Variants in BAHCC1 observed in about 807,000 individuals in gnomAD.
BAHCC1 encodes BAH domain and coiled-coil containing 1, also known as BAH and coiled-coil domain-containing protein 1.
BAHCC1 carries 43 observed loss-of-function variants against 88.2 expected under a neutral mutation model. The ratio of observed to expected loss-of-function variants is 0.49; its 90% CI spans 0.38 to 0.63. The LOEUF (loss-of-function observed/expected upper bound fraction) is 0.63. Among genes scored for constraint, BAHCC1 ranks in the 20% least tolerant of loss-of-function variants. The pLI is 0.00. For missense variants in BAHCC1, 3,023 were observed against 1,654.8 expected, an observed-to-expected ratio of 1.83 and a Z score of -14.34; for synonymous variants, 1,510 against 745.5, an observed-to-expected ratio of 2.03 and a Z score of -16.71.
chr17:81,426,519 C>T (rs2064202288), intron 2 of BAHCC1, among the ~76,000 whole-genome samples: 2 of 150,852 alleles, frequency 1.3e-5, no homozygotes, highest in Non-Finnish European at 3.0e-5. Flanking sequence ...TGGTGATGTG[C>T]TTGTGACAAA....
chr17:81,429,117 G>A (rs1189875443), intron 3 of BAHCC1, among the ~76,000 whole-genome samples: 1 of 152,234 alleles, frequency 6.6e-6, no homozygotes, highest in Non-Finnish European at 1.5e-5. Flanking sequence ...CCCGCTGTCC[G>A]TGTCAGGTGG....
chr17:81,451,731 C>G lies in BAHCC1; in HGVS notation c.4040C>G (p.Ser1347Cys). 1 of 776,272 alleles carries G rather than the reference C, an allele frequency of 1.3e-6. No individual in the cohort carries two copies. The highest frequency in any genetic ancestry group is 2.4e-5 in the East Asian group (1 of 41,244). The allele number at this position is 776,272 out of a possible 1,614,324, so 48.1% of individuals were successfully genotyped here. Residue 1347 changes from serine to cysteine, a missense_variant, in exon 12 of 28, where the codon TCC (serine) becomes TGC (cysteine). Ser to Cys is a moderately radical substitution (Grantham distance 112). Transcript: ENST00000675386. ...QHLATLATAW[S>C]LVEAAGLDSS... ...CTGGCCACGCTGGCCACAGCCTGGTCCCTGGTGGAGGCCGCTGGCCTGGAC... is the reference window on the plus strand; with the variant it reads ...CTGGCCACGCTGGCCACAGCCTGGTGCCTGGTGGAGGCCGCTGGCCTGGAC...
chr17:81,447,779 G>A lies in BAHCC1; in HGVS notation c.3907G>A (p.Gly1303Arg). 4.0e-6 allele frequency: 3 copies of A among 751,388 alleles called. No homozygotes were observed. The highest frequency in any genetic ancestry group is 2.5e-5 in the East Asian group (1 of 39,532). 46.5% of individuals were successfully genotyped at this position (751,388 alleles called of 1,614,324 possible). ...VPLPHSSGIHGIALLSELADL... is the reference protein window; with the variant it reads ...VPLPHSSGIHRIALLSELADL... ...CCTGCCTCATAGCTCAGGGATTCAT[G>A]GGATCGCTCTGCTCAGCGAGCTGGC... The change falls in exon 11 of 28, where the codon GGG (glycine) becomes AGG (arginine). Residue 1303 changes from glycine to arginine, a missense_variant. Gly to Arg is a moderately radical substitution (Grantham distance 125). Transcript: ENST00000675386.
At chr17:81,425,199 GTGATGATGGT>G (rs1204404598) in intron 2 of BAHCC1, among the ~76,000 whole-genome samples, 5 of 44,972 alleles carry the variant, frequency 1.1e-4, no homozygotes, top group South Asian at 1.8e-3. Flanking sequence ...GATGTGGTTG[GTGATGATGGT>G]GGGTGATGTG....
rs782374101 is a variant in BAHCC1, at chr17:81,445,629, A to G, written c.3111A>G (p.Glu1037=). Residue 1037 remains glutamate (E), a synonymous_variant, in exon 10 of 28, where the codon GAA becomes GAG. Coordinates refer to ENST00000675386, the MANE Select transcript of BAHCC1 (RefSeq NM_001377448.1). ...GCTCCCGGGTGCGCAGCGCCGAGGA[A>G]AAGAATGGGGAGGGTCAGCAGTCCA... ...GPGSRVRSAE[E]KNGEGQQSTA... 1 of 734,584 alleles carries G rather than the reference A, an allele frequency of 1.4e-6. No homozygotes were observed. Among genetic ancestry groups the G allele is most frequent in the Admixed American group, 1.9e-5 (1 of 52,344 alleles). The allele number at this position is 734,584 out of a possible 1,614,324, so 45.5% of individuals were successfully genotyped here.
intron 3 of BAHCC1, among the ~76,000 whole-genome samples, chr17:81,432,272 G>A (rs1482198893): frequency 3.9e-5 from 6 of 152,104 alleles, no homozygotes; most frequent in East Asian, 1.9e-4. Context: ...CAGGTGCACC[G>A]TCTCCTGTGT....
At chr17:81,428,358 G>T (rs2064223864) in intron 3 of BAHCC1, among the ~76,000 whole-genome samples, 1 of 152,182 alleles carries the variant, frequency 6.6e-6, no homozygotes, top group Admixed American at 6.5e-5. Flanking sequence ...GGGTGGCCTG[G>T]CACCGGGGGA....
intron 2 of BAHCC1, among the ~76,000 whole-genome samples, chr17:81,410,956 C>T (rs1368335765): frequency 7.2e-5 from 11 of 152,112 alleles, no homozygotes; most frequent in African/African-American, 2.4e-4. Flanking sequence ...GGGTCTCAGA[C>T]CTCTCTAGGT....
At position 81,451,996 on chromosome 17, in the gene BAHCC1, A is replaced by G; in HGVS notation, c.4205A>G (p.Asp1402Gly). ...GTGTGCCCCCTGAAGGCCGCCATCG[A>G]CCGGCTGGACACGCAGGAGGTGGGG... The part of the protein sequence containing the change: ...KPVCPLKAAI[D>G]RLDTQEVGMR... The change falls in exon 13 of 28, where the codon GAC becomes GGC. Residue 1402 changes from aspartate to glycine, a missense_variant. Physicochemically the swap from Asp to Gly is moderately conservative, Grantham distance 94 (BLOSUM62 -1). Coordinates refer to ENST00000675386, the MANE Select transcript of BAHCC1 (RefSeq NM_001377448.1). 1 of 632,578 alleles carries G rather than the reference A, an allele frequency of 1.6e-6. No individual in the cohort carries two copies. Among genetic ancestry groups the G allele is most frequent in the Non-Finnish European group, 2.8e-6 (1 of 354,700 alleles). 39.2% of individuals were successfully genotyped at this position (632,578 alleles called of 1,614,324 possible).
intron 10 of BAHCC1, among the ~76,000 whole-genome samples, chr17:81,446,372 T>C (rs958950663): frequency 3.3e-5 from 5 of 151,300 alleles, no homozygotes; most frequent in African/African-American, 1.2e-4. Context: ...TAAAGCATCA[T>C]GTTTTACAAA....
intron 2 of BAHCC1, chr17:81,413,018 T>C (rs1479014687): frequency 6.3e-6 from 2 of 315,614 alleles, no homozygotes; most frequent in East Asian, 1.5e-4. Context: ...GGGTGTCACT[T>C]CCTCCACATC....
At chr17:81,427,201 C>T (rs2064210507) in intron 3 of BAHCC1, among the ~76,000 whole-genome samples, 1 of 152,142 alleles carries the variant, frequency 6.6e-6, no homozygotes, top group African/African-American at 2.4e-5. Context: ...GTGGTCCTGG[C>T]CAGATGTGTG....
chr17:81,430,445 C>G (rs979190169), intron 3 of BAHCC1, among the ~76,000 whole-genome samples: 206 of 152,276 alleles, frequency 1.4e-3, no homozygotes, highest in African/African-American at 4.7e-3. Flanking sequence ...GCCCCACCAG[C>G]GGCCACTTCT....
At chr17:81,419,074 T>C (rs2064080402) in intron 2 of BAHCC1, among the ~76,000 whole-genome samples, 1 of 152,108 alleles carries the variant, frequency 6.6e-6, no homozygotes, top group African/African-American at 2.4e-5. Context: ...CACTGGGTTG[T>C]ATCTGGGGGT....
rs959708707 is a variant in BAHCC1 at position 81,434,170 on chromosome 17, C to A, written c.359-4200C>A. Among the ~76,000 whole-genome samples the A allele has an allele frequency of 2.0e-5, 3 of 152,132 alleles. No homozygotes were observed. Among genetic ancestry groups the A allele is most frequent in the Non-Finnish European group, 4.4e-5 (3 of 68,024 alleles). On this transcript the variant is annotated intron_variant, in intron 3 of 27. Coordinates refer to ENST00000675386, the MANE Select transcript of BAHCC1 (RefSeq NM_001377448.1). This position sits in a 1 kb window ranked among gnomAD's most constrained non-coding sequence, Gnocchi z 4.9. ...TCTGCTTCTGAGCCAGGAGGATGGG[C>A]CCTCGCTGGACAGTGGGTATTTGAG...
At position 81,447,592 on chromosome 17, in the gene BAHCC1, A is replaced by G. The variant is rs1430471197; in HGVS notation, c.3720A>G (p.Ser1240=). Residue 1240 remains serine (S), a synonymous_variant, in exon 11 of 28, where the codon TCA becomes TCG. Transcript: ENST00000675386. ...TGGGGCAGCAGAGCATGGAGGACTC[A>G]GAGGAGGACTGTGGCGGAGCTCCCG... ...DELGQQSMED[S]EEDCGGAPDN... The G allele has an allele frequency of 4.0e-6, 3 of 753,274 alleles. No individual in the cohort carries two copies. Among genetic ancestry groups the G allele is most frequent in the East Asian group, 2.5e-5 (1 of 39,886 alleles). The allele number at this position is 753,274 out of a possible 1,614,324, so 46.7% of individuals were successfully genotyped here. A position where few individuals can be genotyped will look rare whatever the true frequency, so the allele number is the denominator to read the frequency against.
At chr17:81,413,001 AGTGG>A (rs2063974091) in intron 2 of BAHCC1, 2 of 298,308 alleles carry the variant, frequency 6.7e-6, no homozygotes, top group Admixed American at 8.1e-5. Flanking sequence ...TTGCGGGGGC[AGTGG>A]GTGGGTGTCA....
chr17:81,413,767 T>G (rs1000922063), intron 2 of BAHCC1, among the ~76,000 whole-genome samples: 1 of 152,202 alleles, frequency 6.6e-6, no homozygotes, highest in Non-Finnish European at 1.5e-5. Flanking sequence ...TGGCCTGTCA[T>G]GGGCACTCAG....
intron 1 of BAHCC1, among the ~76,000 whole-genome samples, chr17:81,397,458 C>G (rs1389173893): frequency 6.6e-6 from 1 of 152,034 alleles, no homozygotes; most frequent in African/African-American, 2.4e-5. Flanking sequence ...CTGGAGGCCG[C>G]CAGGAAGCCT....
Sources: gnomAD v4.1 joint callset for allele counts (sites outside exome capture counted in the v4.1 genomes callset) on GRCh38, gnomAD v4.1.1 for gene constraint, Gnocchi (gnomAD v3.1) non-coding constraint, MANE v1.5 for transcripts, NCBI Gene and HGNC (gene_info 2026-07-23, HGNC 2026-07-21) for gene names.